Variants in PGS1 observed in about 807,000 individuals in gnomAD.
PGS1 encodes CDP-diacylglycerol--glycerol-3-phosphate 3-phosphatidyltransferase, mitochondrial.
Under a neutral mutation model 58.3 loss-of-function variants are expected in PGS1, and 44 were observed. The ratio of observed to expected loss-of-function variants is 0.75; its 90% CI spans 0.59 to 0.97. PGS1 has a LOEUF of 0.97. Ranked by LOEUF, PGS1 falls within the 50% of genes least tolerant of loss-of-function variation. The pLI, the probability that PGS1 is intolerant of heterozygous loss-of-function variation, is 0.00. For synonymous variants in PGS1, 330 were observed against 311.0 expected, an observed-to-expected ratio of 1.06 and a Z score of -0.64; for missense variants, 684 against 731.1, an observed-to-expected ratio of 0.94 and a Z score of 0.74.
Position 78,403,831 on chromosome 17 carries a change from G to A in PGS1, c.1144G>A (p.Val382Ile), listed in dbSNP as rs1275333816. 1.2e-6 allele frequency: 2 copies of A among 1,614,120 alleles called. No individual in the cohort carries two copies. The highest frequency in any genetic ancestry group is 1.7e-6 in the Non-Finnish European group (2 of 1,180,062). Residue 382 changes from valine (V) to isoleucine (I), a missense_variant, in exon 7 of 10, where the codon GTC becomes ATC. Coordinates refer to ENST00000262764, the MANE Select transcript of PGS1 (RefSeq NM_024419.5). ...GACTGAGGCGGAGCGCGGGGCAAAG[G>A]TCTACCTCACCACTGGCTATTTCAA... ...LLTEAERGAK[V>I]YLTTGYFNLT...
At chr17:78,387,323 A>C (rs1234287291) in intron 1 of PGS1, among the ~76,000 whole-genome samples, 1 of 131,306 alleles carries the variant, frequency 7.6e-6, no homozygotes, top group Non-Finnish European at 1.6e-5. Context: ...TTTGAGACGG[A>C]GTTTTTCCTC....
rs529192452 is a variant in PGS1 at position 78,378,824 on chromosome 17, G to A, written c.143+16G>A. 1.6e-5 allele frequency: 23 copies of A among 1,426,114 alleles called. No individual in the cohort carries two copies. The African/African-American group carries it at 3.0e-4, about 19-fold the overall frequency. The allele number at this position is 1,426,114 out of a possible 1,614,324, so 88.3% of individuals were successfully genotyped here. ...AGCGCAGGAGGTGAGAGGGGCGGCC[G>A]GGATGAGAGTGCAGCCCTCGCGGCT... On this transcript the variant is annotated intron_variant, in intron 1 of 9. Transcript: ENST00000262764.
chr17:78,419,497 T>TGGTGC lies in PGS1; in HGVS notation c.1552-48_1552-44dup, dbSNP rs749441233. On this transcript the variant is annotated intron_variant, in intron 8 of 9. Transcript: ENST00000262764. ...GCTGGGGCCAGCCGGCCATGTGGTG[T>TGGTGC]GGTGCTGGAGGGGACTCCTCACTAT... 70 of 1,530,530 alleles carry TGGTGC rather than the reference T, an allele frequency of 4.6e-5. No homozygotes were observed. The East Asian group carries it at 1.5e-3, about 32-fold the overall frequency. 94.8% of individuals were successfully genotyped at this position (1,530,530 alleles called of 1,614,324 possible). A position where few individuals can be genotyped will look rare whatever the true frequency, so the allele number is the denominator to read the frequency against.
chr17:78,409,970 G>A (rs552984220), intron 7 of PGS1, among the ~76,000 whole-genome samples: 1 of 152,174 alleles, frequency 6.6e-6, no homozygotes, highest in South Asian at 2.1e-4. Context: ...AATTAGCCGG[G>A]TGTGGTGGTG....
chr17:78,407,483 CCTGA>C (rs1168428479), intron 7 of PGS1, among the ~76,000 whole-genome samples: 3 of 152,334 alleles, frequency 2.0e-5, no homozygotes, highest in Non-Finnish European at 1.5e-5. Flanking sequence ...CCATTCATTT[CCTGA>C]CTGTCTGCCC....
chr17:78,420,244 G>A (rs1184919759), intron 9 of PGS1: 1 of 989,092 alleles, frequency 1.0e-6, no homozygotes, highest in Non-Finnish European at 1.2e-6. Context: ...TGGAAGTTGA[G>A]TAACAGGACC....
chr17:78,413,804 C>T (rs182858360), intron 7 of PGS1, among the ~76,000 whole-genome samples: 86 of 152,256 alleles, frequency 5.6e-4, no homozygotes, highest in African/African-American at 2.0e-3. Context: ...CCCTGGACCT[C>T]GGGAAGTTGT....
intron 5 of PGS1, chr17:78,399,820 C>T: frequency 2.1e-6 from 1 of 480,462 alleles, no homozygotes; most frequent in Non-Finnish European, 3.8e-6. Context: ...GTATTTTCCT[C>T]ACTGTGTACA....
chr17:78,399,183 C>T, intron 4 of PGS1, 165 bp from the exon 5 acceptor site: 1 of 613,694 alleles, frequency 1.6e-6, no homozygotes, highest in Non-Finnish European at 2.9e-6. Flanking sequence ...GCATGCAGGA[C>T]AGAGGTTGGC....
intron 8 of PGS1, among the ~76,000 whole-genome samples, chr17:78,415,346 T>C (rs769447052): frequency 8.5e-5 from 13 of 152,180 alleles, no homozygotes; most frequent in Non-Finnish European, 1.5e-4. Flanking sequence ...GGTTCGGCAT[T>C]GGGGCTGGGT....
intron 7 of PGS1, among the ~76,000 whole-genome samples, chr17:78,409,830 G>A (rs571220834): frequency 6.6e-6 from 1 of 152,338 alleles, no homozygotes; most frequent in African/African-American, 2.4e-5. Flanking sequence ...AACTGCAAAG[G>A]CCTGGCGTGG....
rs1311308388 is a variant in PGS1 at position 78,378,778 on chromosome 17, T to C, written c.113T>C (p.Leu38Pro). 2 of 1,488,012 alleles carry C rather than the reference T, an allele frequency of 1.3e-6. No individual in the cohort carries two copies. Among genetic ancestry groups the C allele is most frequent in the South Asian group, 1.3e-5 (1 of 79,018 alleles). 92.2% of individuals were successfully genotyped at this position (1,488,012 alleles called of 1,614,324 possible). A position where few individuals can be genotyped will look rare whatever the true frequency, so the allele number is the denominator to read the frequency against. Residue 38 changes from leucine (L) to proline (P), a missense_variant, in exon 1 of 10, where the codon CTC (leucine) becomes CCC (proline). Coordinates refer to ENST00000262764, the MANE Select transcript of PGS1 (RefSeq NM_024419.5). ...CTCCTGGGACGCCTGTCCGACCGCCTCGGCAGGAACCGGGACCGCCAGCGC... is the reference window on the plus strand; with the variant it reads ...CTCCTGGGACGCCTGTCCGACCGCCCCGGCAGGAACCGGGACCGCCAGCGC... ...AALLGRLSDR[L>P]GRNRDRQRRR... is the part of the protein sequence containing the mutation.
Position 78,396,312 on chromosome 17 carries a change from A to G in PGS1, c.338A>G (p.Gln113Arg). 1.2e-6 allele frequency: 2 copies of G among 1,612,222 alleles called. No homozygotes were observed. The highest frequency in any genetic ancestry group is 1.1e-5 in the South Asian group (1 of 91,030). Residue 113 changes from glutamine (Q) to arginine (R), a missense_variant, in exon 3 of 10, where the codon CAG (glutamine) becomes CGG (arginine). By Grantham distance (43) the Gln-to-Arg change is conservative. Transcript: ENST00000262764. ...PAEFFELMKG[Q>R]IRVAKRRVVM... Reference sequence around the variant, plus strand: ...TGAATTTTTCTCCTCTCTCAGGGGCAGATAAGAGTAGCCAAGAGGCGGGTC... The same window carrying G: ...TGAATTTTTCTCCTCTCTCAGGGGCGGATAAGAGTAGCCAAGAGGCGGGTC...
chr17:78,384,847 C>T (rs1041498789), intron 1 of PGS1, among the ~76,000 whole-genome samples: 2 of 152,246 alleles, frequency 1.3e-5, no homozygotes, highest in African/African-American at 4.8e-5. Flanking sequence ...AACACGTGTT[C>T]TCTGACACCG....
Position 78,424,084 on chromosome 17 carries a change from G to C in PGS1, c.*34G>C. On this transcript the variant is annotated 3_prime_UTR_variant, in exon 10 of 10. Transcript: ENST00000262764. ...AGGAATGGCCTTGATGAAGATGACA[G>C]GCATGGCCGGGGTCAGCTCTTTCAG... 1 of 1,614,018 alleles carries C rather than the reference G, an allele frequency of 6.2e-7. No individual in the cohort carries two copies. The highest frequency in any genetic ancestry group is 8.5e-7 in the Non-Finnish European group (1 of 1,179,900).
rs901688471 is a variant in PGS1 at position 78,393,081 on chromosome 17, G to A, written c.333+416G>A. 2.9e-5 allele frequency among the ~76,000 whole-genome samples: 4 copies of A among 135,860 alleles called. 1 individual carries two copies. Among genetic ancestry groups the A allele is most frequent in the African/African-American group, 5.8e-5 (2 of 34,478 alleles). The allele number at this position is 135,860 out of a possible 152,430, so 89.1% of individuals were successfully genotyped here. ...TTCGATTCTTTTTTTTTTTTTTTGA[G>A]ATGGAGTCTCGCTCTGTCACCCAGG... is the stretch of plus-strand genomic sequence containing the variant. On this transcript the variant is annotated intron_variant, in intron 2 of 9. Coordinates refer to ENST00000262764, the MANE Select transcript of PGS1 (RefSeq NM_024419.5).
chr17:78,402,396 T>TAA (rs2083746382), intron 6 of PGS1, among the ~76,000 whole-genome samples: 1 of 48,820 alleles, frequency 2.0e-5, no homozygotes, highest in African/African-American at 5.6e-5. Flanking sequence ...TAATTTCTAT[T>TAA]CATATATATA....
intron 8 of PGS1, among the ~76,000 whole-genome samples, chr17:78,416,572 G>C (rs1283410932): frequency 6.6e-6 from 1 of 152,184 alleles, no homozygotes; most frequent in Non-Finnish European, 1.5e-5. Flanking sequence ...CCACATCCTG[G>C]ATCTTGAGAA....
At chr17:78,399,266 G>A in intron 4 of PGS1, 82 bp from the exon 5 acceptor site, 1 of 1,096,548 alleles carries the variant, frequency 9.1e-7, no homozygotes, top group Non-Finnish European at 1.4e-6. Context: ...GTGAAGGCGA[G>A]GCCACGTGGA....
Sources: allele counts gnomAD v4.1 joint callset (sites outside exome capture counted in the v4.1 genomes callset), GRCh38; gene constraint gnomAD v4.1.1; transcripts MANE v1.5; gene names NCBI Gene and HGNC (gene_info 2026-07-23, HGNC 2026-07-21).